CAND1: variants seen among roughly 807,000 people sequenced by gnomAD.
CAND1 encodes the protein cullin-associated NEDD8-dissociated protein 1.
In CAND1, 7 loss-of-function variants were observed where a neutral mutation model predicts 108.5. That is an observed-to-expected ratio of 0.06 (90% CI 0.04 to 0.12). The LOEUF (loss-of-function observed/expected upper bound fraction) is 0.12. CAND1 is among the 10% of genes least tolerant of loss of function. The pLI is 1.00. For missense variants in CAND1, 941 were observed against 1,448.7 expected, an observed-to-expected ratio of 0.65 and a Z score of 5.69; for synonymous variants, 534 against 512.0, an observed-to-expected ratio of 1.04 and a Z score of -0.58.
chr12:67,296,490 A>G (rs1292235623), intron 4 of CAND1, among the ~76,000 whole-genome samples: 4 of 151,698 alleles, frequency 2.6e-5, no homozygotes, highest in Non-Finnish European at 5.9e-5. Context: ...GCTGGAGTGC[A>G]GTTCTGTGAT....
chr12:67,270,558 A>G (rs1334805870), intron 1 of CAND1: 1 of 152,154 alleles, frequency 6.6e-6, no homozygotes, highest in African/African-American at 2.4e-5. Flanking sequence ...CAAAAGGAAG[A>G]GATGTTTAAT....
In CAND1 at chr12:67,310,575, A is replaced by G. The variant is rs780535766; in HGVS notation, c.3360+259A>G. ...TGCTGTGTGCCCACTTGCTTAGTGA[A>G]TAGTCCCTAGATCCTTTCCCTCAAA... On this transcript the variant is annotated intron_variant, in intron 13 of 14. Coordinates refer to ENST00000545606, the MANE Select transcript of CAND1 (RefSeq NM_018448.5). The G allele has an allele frequency of 3.6e-4, 103 of 287,830 alleles. 1 individual carries two copies. Among genetic ancestry groups the G allele is most frequent in the Non-Finnish European group, 1.4e-4 (22 of 152,198 alleles). 17.8% of individuals were successfully genotyped at this position (287,830 alleles called of 1,614,324 possible).
chr12:67,278,545 A>G (rs1008630083), intron 1 of CAND1, among the ~76,000 whole-genome samples: 1 of 151,834 alleles, frequency 6.6e-6, no homozygotes, highest in African/African-American at 2.4e-5. Context: ...TTTGGGATGA[A>G]TCTCACTCTG....
At chr12:67,301,992 T>C (rs2044829162) in intron 7 of CAND1, among the ~76,000 whole-genome samples, 2 of 152,220 alleles carry the variant, frequency 1.3e-5, no homozygotes, top group South Asian at 4.1e-4. Flanking sequence ...TTTATGACTA[T>C]AAATATTTAT....
At position 67,281,973 on chromosome 12, in the gene CAND1, T is replaced by C. The variant is rs1444103128; in HGVS notation, c.132T>C (p.Asp44=). The stretch of plus-strand genomic sequence containing the variant: ...AAGATTCCATCAAGTTGGATGATGA[T>C]AGTGAAAGGAAAGTAGTGAAAATGA... ...LQKDSIKLDD[D]SERKVVKMIL... is the part of the protein sequence containing the mutation. Residue 44 remains aspartate, a synonymous_variant, in exon 2 of 15, where the codon GAT becomes GAC. Coordinates refer to ENST00000545606, the MANE Select transcript of CAND1 (RefSeq NM_018448.5). The C allele has an allele frequency of 2.5e-6, 4 of 1,611,256 alleles. No individual in the cohort carries two copies. The highest frequency in any genetic ancestry group is 3.4e-6 in the Non-Finnish European group (4 of 1,177,938).
At chr12:67,298,349 T>G (rs1592617435) in intron 6 of CAND1, among the ~76,000 whole-genome samples, 1 of 145,242 alleles carries the variant, frequency 6.9e-6, no homozygotes, top group East Asian at 1.9e-4. Context: ...TTTTTCCTCT[T>G]GACTAATGCA....
At chr12:67,283,697 G>A (rs1330792220) in intron 2 of CAND1, among the ~76,000 whole-genome samples, 1 of 151,094 alleles carries the variant, frequency 6.6e-6, no homozygotes, top group Non-Finnish European at 1.5e-5. Context: ...ATTAAACTTT[G>A]TTCAAAATAT....
intron 1 of CAND1, among the ~76,000 whole-genome samples, chr12:67,273,711 C>T (rs982294549): frequency 4.0e-5 from 6 of 151,762 alleles, no homozygotes; most frequent in South Asian, 4.2e-4. Flanking sequence ...TCTTGATTTC[C>T]GGCAATCTGC....
chr12:67,291,939 A>G (rs577209896), intron 2 of CAND1, among the ~76,000 whole-genome samples: 36 of 152,312 alleles, frequency 2.4e-4, no homozygotes, highest in African/African-American at 8.2e-4. Context: ...ATCTCGGCTC[A>G]CTGCAACCTC....
At chr12:67,290,803 G>T (rs1049972414) in intron 2 of CAND1, among the ~76,000 whole-genome samples, 1 of 152,156 alleles carries the variant, frequency 6.6e-6, no homozygotes, top group Non-Finnish European at 1.5e-5. Flanking sequence ...TCCTTGGCCT[G>T]TTGGGAACTG....
At chr12:67,282,241 T>C in intron 2 of CAND1, 188 bp downstream of exon 2, 1 of 490,136 alleles carries the variant, frequency 2.0e-6, no homozygotes, top group Non-Finnish European at 3.5e-6. Flanking sequence ...TTACAGCATA[T>C]AAGTTACTAA....
In CAND1 at chr12:67,319,462, A is replaced by G. The variant is rs1332072521; in HGVS notation, c.*6632A>G. Reference sequence around the variant, plus strand: ...GGACTCCAGGAAGTCTTCCCTGGACAAGTAATGAAGAGGGCATAATCCAAG... The same window carrying G: ...GGACTCCAGGAAGTCTTCCCTGGACGAGTAATGAAGAGGGCATAATCCAAG... On this transcript the variant is annotated 3_prime_UTR_variant, in exon 15 of 15. Transcript: ENST00000545606. 1 of 152,152 alleles carries G rather than the reference A, an allele frequency of 6.6e-6. No individual in the cohort carries two copies. The highest frequency in any genetic ancestry group is 6.5e-5 in the Admixed American group (1 of 15,280). The allele number at this position is 152,152 out of a possible 1,614,324, so 9.4% of individuals were successfully genotyped here. A position where few individuals can be genotyped will look rare whatever the true frequency, so the allele number is the denominator to read the frequency against.
Position 67,292,767 on chromosome 12 carries a change from G to A in CAND1, c.358G>A (p.Ala120Thr). 1 of 1,613,158 alleles carries A rather than the reference G, an allele frequency of 6.2e-7. No individual in the cohort carries two copies. The highest frequency in any genetic ancestry group is 1.1e-5 in the South Asian group (1 of 90,776). The change falls in exon 3 of 15, where the codon GCT becomes ACT. Residue 120 changes from alanine to threonine, a missense_variant. Around this residue, in one of 9 missense-constraint regions of CAND1, gnomAD observed 697 missense variants for 942.0 expected, o/e 0.74. Transcript: ENST00000545606. Reference sequence around the variant, plus strand: ...AACAGTAATTGGAGAACTTCCTCCAGCTTCCAGTGGTAAGCAAGAGCACAT... The same window carrying A: ...AACAGTAATTGGAGAACTTCCTCCAACTTCCAGTGGTAAGCAAGAGCACAT... ...LKTVIGELPPASSGSALAANV... is the reference protein window; with the variant it reads ...LKTVIGELPPTSSGSALAANV...
chr12:67,276,859 A>G (rs1450625016), intron 1 of CAND1, among the ~76,000 whole-genome samples: 1 of 152,188 alleles, frequency 6.6e-6, no homozygotes, highest in Non-Finnish European at 1.5e-5. Flanking sequence ...AGGGTAGACA[A>G]AGTTGGGCTG....
intron 8 of CAND1, 39 bp downstream of exon 8, chr12:67,302,654 A>C: frequency 6.5e-7 from 1 of 1,539,234 alleles, no homozygotes; most frequent in Non-Finnish European, 8.9e-7. Context: ...CATGATAGTA[A>C]ATGCAATGCT....
intron 1 of CAND1, among the ~76,000 whole-genome samples, chr12:67,278,178 T>G (rs2044587379): frequency 6.6e-6 from 1 of 152,164 alleles, no homozygotes; most frequent in South Asian, 2.1e-4. Flanking sequence ...ACTCTTTTGC[T>G]CAGGCTGGGG....
chr12:67,306,595 C>T lies in CAND1; in HGVS notation c.2927C>T (p.Ser976Leu). 6.3e-7 allele frequency: 1 copy of T among 1,586,570 alleles called. No homozygotes were observed. Among genetic ancestry groups the T allele is most frequent in the Non-Finnish European group, 8.6e-7 (1 of 1,167,766 alleles). Residue 976 changes from serine to leucine, a missense_variant and splice_region_variant, in exon 10 of 15, where the codon TCA becomes TTA. Coordinates refer to ENST00000545606, the MANE Select transcript of CAND1 (RefSeq NM_018448.5). ...CCACGGCTTAAGGGGTACTTGATAT[C>T]AGGTAGGTATCTAGATTTTCTTACT... The part of the protein sequence containing the change: ...LLPRLKGYLI[S>L]GSSYARSSVV...
Position 67,269,592 on chromosome 12 carries a change from C to A in CAND1, c.-126C>A. On this transcript the variant is annotated 5_prime_UTR_variant, in exon 1 of 15. Transcript: ENST00000545606. Reference sequence around the variant, plus strand: ...GCCTCCCTAGTCAGCGTCGGCGTCGCGCTGCGACCCTGGAAGCGGGAGCCG... The same window carrying A: ...GCCTCCCTAGTCAGCGTCGGCGTCGAGCTGCGACCCTGGAAGCGGGAGCCG... 1.3e-6 allele frequency: 1 copy of A among 756,740 alleles called. No individual in the cohort carries two copies. The highest frequency in any genetic ancestry group is 2.1e-6 in the Non-Finnish European group (1 of 472,228). 46.9% of individuals were successfully genotyped at this position (756,740 alleles called of 1,614,324 possible).
chr12:67,306,609 G>T lies in CAND1; in HGVS notation c.2929+12G>T. 6.4e-7 allele frequency: 1 copy of T among 1,554,708 alleles called. No individual in the cohort carries two copies. Among genetic ancestry groups the T allele is most frequent in the South Asian group, 1.2e-5 (1 of 81,260 alleles). On this transcript the variant is annotated intron_variant, in intron 10 of 14. Coordinates refer to ENST00000545606, the MANE Select transcript of CAND1 (RefSeq NM_018448.5). ...GTACTTGATATCAGGTAGGTATCTAGATTTTCTTACTTAAAAAGTTTTTTA... is the reference window on the plus strand; with the variant it reads ...GTACTTGATATCAGGTAGGTATCTATATTTTCTTACTTAAAAAGTTTTTTA...
Sources: gnomAD v4.1 joint callset for allele counts (sites outside exome capture counted in the v4.1 genomes callset) on GRCh38, gnomAD v4.1.1 for gene constraint, gnomAD v4.1.1 regional missense constraint, MANE v1.5 for transcripts, NCBI Gene and HGNC (gene_info 2026-07-23, HGNC 2026-07-21) for gene names.